The following IL1RAPL1 variants were observed in gnomAD, a reference collection of about 807,000 sequenced individuals.
The protein encoded by IL1RAPL1 is interleukin-1 receptor accessory protein-like 1.
IL1RAPL1 carries 3 observed loss-of-function variants against 48.4 expected under a neutral mutation model. The observed-to-expected ratio is 0.06, with a 90% CI of 0.03 to 0.16. The LOEUF (loss-of-function observed/expected upper bound fraction) is 0.16, where lower values mean the gene tolerates loss of function less well. Ranked by LOEUF, IL1RAPL1 falls within the 10% of genes least tolerant of loss-of-function variation. The pLI, the probability that IL1RAPL1 is intolerant of heterozygous loss-of-function variation, is 1.00. For synonymous variants in IL1RAPL1, 185 were observed against 187.7 expected, an observed-to-expected ratio of 0.99 and a Z score of 0.12; for missense variants, 349 against 530.6, an observed-to-expected ratio of 0.66 and a Z score of 3.36.
At chrX:29,585,811 G>A (rs1168100252) in intron 5 of IL1RAPL1, among the ~76,000 whole-genome samples, 2 of 112,137 alleles carry the variant, frequency 1.8e-5, no homozygotes, top group African/African-American at 6.5e-5. Flanking sequence ...CCATTTGTAT[G>A]TCTTCTTTAA....
At chrX:29,366,852 C>G (rs1179486690) in intron 3 of IL1RAPL1, among the ~76,000 whole-genome samples, 1 of 111,177 alleles carries the variant, frequency 9.0e-6, no homozygotes, top group Admixed American at 9.6e-5. Flanking sequence ...CAGGCGTGAG[C>G]CACTGCGCCC....
chrX:29,813,449 T>TA (rs1488139308), intron 6 of IL1RAPL1, among the ~76,000 whole-genome samples: 3 of 110,900 alleles, frequency 2.7e-5, no homozygotes, highest in South Asian at 3.7e-4. Context: ...TAAGAGAATC[T>TA]AAAAAAAAAT....
chrX:28,784,557 A>T (rs1436923146), intron 1 of IL1RAPL1, among the ~76,000 whole-genome samples: 2 of 111,514 alleles, frequency 1.8e-5, no homozygotes, highest in Admixed American at 1.9e-4. Flanking sequence ...GTTGAGGAAA[A>T]GTAGGTAAAA....
At chrX:29,175,251 C>T (rs958182674) in intron 2 of IL1RAPL1, among the ~76,000 whole-genome samples, 10 of 111,169 alleles carry the variant, frequency 9.0e-5, no homozygotes, top group Non-Finnish European at 1.9e-4. Flanking sequence ...GTTATAGTGA[C>T]AAGTCACTAC....
At chrX:28,684,112 T>C (rs1186529034) in intron 1 of IL1RAPL1, among the ~76,000 whole-genome samples, 2 of 112,246 alleles carry the variant, frequency 1.8e-5, no homozygotes, top group Admixed American at 9.5e-5. Flanking sequence ...AGAAACAAAT[T>C]ATATACCCCC....
chrX:29,875,332 C>A (rs1295392322), intron 6 of IL1RAPL1, among the ~76,000 whole-genome samples: 1 of 111,729 alleles, frequency 9.0e-6, no homozygotes, highest in Non-Finnish European at 1.9e-5. Context: ...GACTTTAAAA[C>A]ACCTCAGCTT....
intron 2 of IL1RAPL1, among the ~76,000 whole-genome samples, chrX:28,900,089 G>A (rs776028081): frequency 8.9e-6 from 1 of 112,116 alleles, no homozygotes; most frequent in Admixed American, 9.5e-5. Context: ...TAAGGACTCC[G>A]ATTGGAACAC....
chrX:28,860,620 G>A (rs959221939), intron 2 of IL1RAPL1, among the ~76,000 whole-genome samples: 1 of 109,079 alleles, frequency 9.2e-6, no homozygotes, highest in Admixed American at 9.9e-5. Flanking sequence ...ACCACACCCG[G>A]CTAATTTTTT....
At chrX:28,717,075 G>A (rs1400047583) in intron 1 of IL1RAPL1, among the ~76,000 whole-genome samples, 1 of 111,927 alleles carries the variant, frequency 8.9e-6, no homozygotes, top group African/African-American at 3.2e-5. Context: ...TTCAGCCATC[G>A]TGGAAGAGTG....
intron 5 of IL1RAPL1, among the ~76,000 whole-genome samples, chrX:29,640,700 G>T (rs1925138383): frequency 8.9e-6 from 1 of 111,882 alleles, no homozygotes; most frequent in African/African-American, 3.3e-5. Context: ...TTCAGTACAT[G>T]AACACCTCTC....
chrX:29,395,206 C>G, intron 3 of IL1RAPL1, among the ~76,000 whole-genome samples: 1 of 111,515 alleles, frequency 9.0e-6, no homozygotes, highest in Non-Finnish European at 1.9e-5. Context: ...AATAAATTGC[C>G]CAGTTTTGTA....
At chrX:29,607,979 G>T in intron 5 of IL1RAPL1, among the ~76,000 whole-genome samples, 1 of 112,158 alleles carries the variant, frequency 8.9e-6, no homozygotes, top group Middle Eastern at 4.6e-3. Flanking sequence ...ATTATCTATT[G>T]TCGTGTGAAT....
intron 3 of IL1RAPL1, among the ~76,000 whole-genome samples, chrX:29,343,983 G>C (rs1319129029): frequency 2.7e-5 from 3 of 112,200 alleles, no homozygotes; most frequent in African/African-American, 9.7e-5. Context: ...AAATGAACAA[G>C]ATGCCAAGTA....
At chrX:29,462,840 T>G (rs1934818161) in intron 5 of IL1RAPL1, among the ~76,000 whole-genome samples, 1 of 111,858 alleles carries the variant, frequency 8.9e-6, no homozygotes, top group Non-Finnish European at 1.9e-5. Flanking sequence ...CTGTCGGTAT[T>G]TGGGGGACAA....
rs1438889606 is a variant in IL1RAPL1 at position 28,831,026 on chromosome X, C to CTCTCTG, written c.82+41602_82+41603insCTCTGT. ...TCTCTCTCTCTCTCTCTCTCTCTCT[C>CTCTCTG]TGTGTGTGTGTGTGTGTGTGTGTGT... On this transcript the variant is annotated intron_variant, in intron 2 of 10. Coordinates refer to ENST00000378993, the MANE Select transcript of IL1RAPL1 (RefSeq NM_014271.4). Among the ~76,000 whole-genome samples the CTCTCTG allele has an allele frequency of 4.3e-3, 144 of 33,645 alleles. 7 individuals are homozygous for CTCTCTG. Among genetic ancestry groups the CTCTCTG allele is most frequent in the Admixed American group, 0.012 (25 of 2,131 alleles). 29.2% of individuals were successfully genotyped at this position (33,645 alleles called of 115,157 possible).
chrX:28,902,973 C>T (rs981049665), intron 2 of IL1RAPL1, among the ~76,000 whole-genome samples: 6 of 111,748 alleles, frequency 5.4e-5, no homozygotes, highest in African/African-American at 1.3e-4. Context: ...CCCTCCCCAC[C>T]GTCTGCGGGA....
chrX:28,634,493 A>G (rs1237819157), intron 1 of IL1RAPL1, among the ~76,000 whole-genome samples: 5 of 109,651 alleles, frequency 4.6e-5, no homozygotes, highest in African/African-American at 1.3e-4. Context: ...ATATATGTAT[A>G]TATATGTGTA....
intron 5 of IL1RAPL1, among the ~76,000 whole-genome samples, chrX:29,643,695 T>G (rs1323578188): frequency 9.0e-6 from 1 of 111,597 alleles, no homozygotes; most frequent in Non-Finnish European, 1.9e-5. Flanking sequence ...TGATCCAGTG[T>G]GTTCCACTGC....
At chrX:29,270,223 C>T (rs191623729) in intron 2 of IL1RAPL1, among the ~76,000 whole-genome samples, 2 of 111,586 alleles carry the variant, frequency 1.8e-5, no homozygotes, top group Non-Finnish European at 3.8e-5. Flanking sequence ...GTTGTGTGCA[C>T]GTGTATAGAC....
Sources: allele counts gnomAD v4.1 joint callset (sites outside exome capture counted in the v4.1 genomes callset), GRCh38; gene constraint gnomAD v4.1.1; transcripts MANE v1.5; gene names NCBI Gene and HGNC (gene_info 2026-07-23, HGNC 2026-07-21).